The following NCAM2 variants were observed in gnomAD, a reference collection of about 807,000 sequenced individuals.
NCAM2 encodes neural cell adhesion molecule 2.
NCAM2 carries 30 observed loss-of-function variants against 98.1 expected under a neutral mutation model. The observed-to-expected ratio is 0.31, with a 90% CI of 0.23 to 0.41. NCAM2 has a LOEUF of 0.41. Ranked by LOEUF, NCAM2 falls within the 10% of genes least tolerant of loss-of-function variation. The probability of loss-of-function intolerance (pLI) is 1.00; values close to 1 mark genes in which losing one functional copy is unlikely to be tolerated. For missense variants in NCAM2, 867 were observed against 1,005.8 expected, an observed-to-expected ratio of 0.86 and a Z score of 1.87; for synonymous variants, 368 against 342.4, an observed-to-expected ratio of 1.07 and a Z score of -0.83.
chr21:21,320,292 G>T (rs1048533839), intron 5 of NCAM2, among the ~76,000 whole-genome samples: 1 of 152,084 alleles, frequency 6.6e-6, no homozygotes, highest in African/African-American at 2.4e-5. Context: ...AAAAAGAATT[G>T]TATGTACGTA....
chr21:21,140,865 A>G (rs56011808), intron 1 of NCAM2, among the ~76,000 whole-genome samples: 1 of 152,200 alleles, frequency 6.6e-6, no homozygotes, highest in East Asian at 1.9e-4. Flanking sequence ...GAACATTGCT[A>G]TGAGGCCAGA....
chr21:21,100,148 A>T (rs1040457098), intron 1 of NCAM2, among the ~76,000 whole-genome samples: 21 of 151,934 alleles, frequency 1.4e-4, no homozygotes, highest in African/African-American at 4.3e-4. Flanking sequence ...CGTGGCAGAA[A>T]CCACAGTTTA....
At chr21:21,457,869 G>T (rs74728378) in intron 12 of NCAM2, among the ~76,000 whole-genome samples, 1 of 152,084 alleles carries the variant, frequency 6.6e-6, no homozygotes, top group Non-Finnish European at 1.5e-5. Flanking sequence ...ACTTTTTACC[G>T]TATCCATTTT....
intron 16 of NCAM2, among the ~76,000 whole-genome samples, chr21:21,517,398 G>T (rs910768132): frequency 6.6e-6 from 1 of 152,052 alleles, no homozygotes; most frequent in African/African-American, 2.4e-5. Context: ...CTACCAAATG[G>T]TCTTTTTCTG....
chr21:21,424,419 G>A (rs1206698641), intron 11 of NCAM2, among the ~76,000 whole-genome samples: 1 of 152,168 alleles, frequency 6.6e-6, no homozygotes, highest in African/African-American at 2.4e-5. Context: ...ATATAAGGTT[G>A]CTGTAGAAGT....
chr21:21,066,584 C>G (rs918646798), intron 1 of NCAM2, among the ~76,000 whole-genome samples: 1 of 151,948 alleles, frequency 6.6e-6, no homozygotes, highest in African/African-American at 2.4e-5. Flanking sequence ...TGCCTCTATG[C>G]GCAAGAAAGT....
chr21:21,362,608 C>T (rs1009235350), intron 8 of NCAM2, among the ~76,000 whole-genome samples: 13 of 152,090 alleles, frequency 8.5e-5, no homozygotes, highest in East Asian at 1.9e-4. Flanking sequence ...CATGTTTCCT[C>T]CATAAATCCT....
chr21:21,259,611 A>C (rs2071813754), intron 1 of NCAM2, among the ~76,000 whole-genome samples: 1 of 152,070 alleles, frequency 6.6e-6, no homozygotes, highest in Admixed American at 6.5e-5. Context: ...TTCACCACCA[A>C]ATAAAAAACC....
chr21:21,333,662 A>G (rs2074775934), intron 6 of NCAM2, among the ~76,000 whole-genome samples: 1 of 152,186 alleles, frequency 6.6e-6, no homozygotes, highest in East Asian at 1.9e-4. Context: ...GAGTAGAGAT[A>G]TACACATACT....
intron 15 of NCAM2, among the ~76,000 whole-genome samples, chr21:21,484,468 A>G (rs233760): frequency 0.036 from 5,462 of 152,206 alleles, 320 homozygotes; most frequent in African/African-American, 0.12. Context: ...AATGCTGTGA[A>G]GCGAATAAAG....
intron 9 of NCAM2, among the ~76,000 whole-genome samples, chr21:21,388,902 A>G (rs991757447): frequency 1.3e-5 from 2 of 152,176 alleles, no homozygotes; most frequent in African/African-American, 2.4e-5. Flanking sequence ...CTCACTAACT[A>G]TATCTCACTA....
At chr21:21,147,594 C>A (rs1273899756) in intron 1 of NCAM2, among the ~76,000 whole-genome samples, 1 of 150,630 alleles carries the variant, frequency 6.6e-6, no homozygotes, top group Non-Finnish European at 1.5e-5. Context: ...AGTATACATA[C>A]ACTGTATATA....
intron 1 of NCAM2, among the ~76,000 whole-genome samples, chr21:21,095,893 A>G (rs2066112566): frequency 1.3e-5 from 2 of 151,670 alleles, no homozygotes; most frequent in Non-Finnish European, 3.0e-5. Context: ...AGGAACCGTT[A>G]AGGGTTGGCT....
intron 1 of NCAM2, among the ~76,000 whole-genome samples, chr21:21,088,912 C>T (rs2065957273): frequency 6.6e-6 from 1 of 151,134 alleles, no homozygotes; most frequent in Admixed American, 6.6e-5. Flanking sequence ...GCGGAGCTTG[C>T]AGTGAGCTAG....
rs146127877 is a variant in NCAM2 at position 21,298,021 on chromosome 21, G to A, written c.619+5780G>A. 3.6e-3 allele frequency among the ~76,000 whole-genome samples: 546 copies of A among 151,730 alleles called. 4 individuals carry two copies. The highest frequency in any genetic ancestry group is 0.013 in the African/African-American group (521 of 41,432). ...GTAAAATCAACAGTGGGTGATAATG[G>A]CCAGAGATGTCCGTACAAATGAGTG... On this transcript the variant is annotated intron_variant, in intron 5 of 17. Coordinates refer to ENST00000400546, the MANE Select transcript of NCAM2 (RefSeq NM_004540.5).
intron 1 of NCAM2, among the ~76,000 whole-genome samples, chr21:21,024,195 C>T (rs9984334): frequency 0.55 from 83,549 of 152,094 alleles, 23,304 homozygotes; most frequent in East Asian, 0.78. Context: ...ATTGAAACAA[C>T]GCAGTCAAAA....
At chr21:21,277,306 T>G (rs2072763745) in intron 1 of NCAM2, among the ~76,000 whole-genome samples, 1 of 152,092 alleles carries the variant, frequency 6.6e-6, no homozygotes, top group East Asian at 1.9e-4. Flanking sequence ...TTCCAGAAAT[T>G]TATATTTAAA....
At chr21:21,438,413 A>G (rs936711349) in intron 12 of NCAM2, among the ~76,000 whole-genome samples, 4 of 152,174 alleles carry the variant, frequency 2.6e-5, no homozygotes, top group Non-Finnish European at 5.9e-5. Context: ...TTAAGGTACA[A>G]TGGAAGCCAG....
At chr21:21,261,394 T>A (rs2147347053) in intron 1 of NCAM2, among the ~76,000 whole-genome samples, 1 of 152,278 alleles carries the variant, frequency 6.6e-6, no homozygotes, top group Admixed American at 6.5e-5. Flanking sequence ...AAATGCTTTT[T>A]TTTCCCCTCA....
Sources: allele counts gnomAD v4.1 joint callset (sites outside exome capture counted in the v4.1 genomes callset), GRCh38; gene constraint gnomAD v4.1.1; transcripts MANE v1.5; gene names NCBI Gene and HGNC (gene_info 2026-07-23, HGNC 2026-07-21).